DPP10: variants seen among roughly 807,000 people sequenced by gnomAD.
The protein encoded by DPP10 is dipeptidyl peptidase like 10.
DPP10 carries 33 observed loss-of-function variants against 120.9 expected under a neutral mutation model. The ratio of observed to expected loss-of-function variants is 0.27; its 90% CI spans 0.21 to 0.37. The LOEUF is 0.37. Ranked by LOEUF, DPP10 falls within the 10% of genes least tolerant of loss-of-function variation. The pLI, the probability that DPP10 is intolerant of heterozygous loss-of-function variation, is 1.00. For synonymous variants in DPP10, 337 were observed against 326.1 expected (o/e 1.03, Z -0.36); for missense variants, 816 against 942.8 (o/e 0.87, Z 1.76).
At chr2:115,831,082 A>G (rs1217981010) in intron 21 of DPP10, among the ~76,000 whole-genome samples, 2 of 152,174 alleles carry the variant, frequency 1.3e-5, no homozygotes, top group Non-Finnish European at 2.9e-5. Context: ...GTGAGTGATT[A>G]TGTTAAGCGA....
At chr2:114,751,356 C>T (rs910050716) in intron 1 of DPP10, among the ~76,000 whole-genome samples, 2 of 152,192 alleles carry the variant, frequency 1.3e-5, no homozygotes, top group Admixed American at 6.5e-5. Context: ...ACAATTTCTC[C>T]AACTACTTAT....
intron 1 of DPP10, among the ~76,000 whole-genome samples, chr2:114,814,863 G>A (rs966950269): frequency 6.6e-6 from 1 of 152,206 alleles, no homozygotes; most frequent in African/African-American, 2.4e-5. Context: ...TGCTGTTGCT[G>A]TCCAGCTGAA....
chr2:115,441,285 G>C (rs1285240577), intron 3 of DPP10, among the ~76,000 whole-genome samples: 2 of 152,156 alleles, frequency 1.3e-5, no homozygotes, highest in Non-Finnish European at 2.9e-5. Context: ...ACTGAATCCC[G>C]AGTTGGGATT....
intron 1 of DPP10, among the ~76,000 whole-genome samples, chr2:114,630,903 C>T (rs929701713): frequency 3.9e-5 from 6 of 151,988 alleles, no homozygotes; most frequent in Non-Finnish European, 1.5e-5. Context: ...ATGGGAGTCT[C>T]GATTGAACTA....
intron 1 of DPP10, among the ~76,000 whole-genome samples, chr2:114,784,432 A>G (rs1425598060): frequency 6.6e-6 from 1 of 152,138 alleles, no homozygotes; most frequent in Non-Finnish European, 1.5e-5. Context: ...CTTTCTCCCC[A>G]TTCAGTGACT....
chr2:115,479,861 T>C (rs1035227357), intron 3 of DPP10, among the ~76,000 whole-genome samples: 1 of 152,130 alleles, frequency 6.6e-6, no homozygotes, highest in Admixed American at 6.5e-5. Flanking sequence ...GTTTCTCACA[T>C]TTGTTAACTG....
intron 1 of DPP10, among the ~76,000 whole-genome samples, chr2:115,273,319 T>TGA (rs1451993772): frequency 6.6e-6 from 1 of 152,096 alleles, no homozygotes; most frequent in Non-Finnish European, 1.5e-5. Flanking sequence ...CAGAGTTTCT[T>TGA]GAGACAGCTT....
intron 1 of DPP10, among the ~76,000 whole-genome samples, chr2:114,476,474 T>C (rs1680379037): frequency 6.6e-6 from 1 of 152,196 alleles, no homozygotes. Context: ...AGATTGTACA[T>C]TGGACACCAA....
At chr2:114,987,177 C>G (rs1410484857) in intron 1 of DPP10, among the ~76,000 whole-genome samples, 3 of 152,098 alleles carry the variant, frequency 2.0e-5, no homozygotes, top group African/African-American at 7.2e-5. Flanking sequence ...ATTTTTAAGG[C>G]ATATAAATTA....
intron 9 of DPP10, among the ~76,000 whole-genome samples, chr2:115,741,260 T>C (rs13429605): frequency 1.5e-3 from 222 of 152,240 alleles, no homozygotes; most frequent in African/African-American, 5.2e-3. Context: ...ATTCCATGAT[T>C]TTAAAATGTG....
chr2:115,032,647 G>T (rs1318084695), intron 1 of DPP10, among the ~76,000 whole-genome samples: 2 of 151,906 alleles, frequency 1.3e-5, no homozygotes, highest in African/African-American at 4.8e-5. Context: ...TTGGGAGGCC[G>T]AGGTGGGTGG....
At chr2:115,003,736 A>T (rs1332304016) in intron 1 of DPP10, among the ~76,000 whole-genome samples, 1 of 152,156 alleles carries the variant, frequency 6.6e-6, no homozygotes, top group Non-Finnish European at 1.5e-5. Context: ...CTATCCATGT[A>T]GATATTGACC....
chr2:114,830,655 AT>A (rs954993652), intron 1 of DPP10, among the ~76,000 whole-genome samples: 2 of 152,014 alleles, frequency 1.3e-5, no homozygotes, highest in African/African-American at 4.8e-5. Context: ...ACAACCTCTT[AT>A]TTTTTTTAAA....
At chr2:115,710,877 A>G (rs2092293532) in intron 7 of DPP10, among the ~76,000 whole-genome samples, 1 of 152,104 alleles carries the variant, frequency 6.6e-6, no homozygotes, top group South Asian at 2.1e-4. Context: ...AAAGGTCATA[A>G]CCTTCAATAA....
chr2:114,875,362 C>A (rs964877934), intron 1 of DPP10, among the ~76,000 whole-genome samples: 13 of 152,082 alleles, frequency 8.5e-5, no homozygotes, highest in Non-Finnish European at 1.5e-4. Flanking sequence ...AAATTACAAC[C>A]TAGCATAGTG....
Position 114,898,658 on chromosome 2 carries a change from C to G in DPP10, c.61-410581C>G, listed in dbSNP as rs565488102. The stretch of plus-strand genomic sequence containing the variant: ...ACTGAAATGTCTATATTGGGTAGGA[C>G]AATTAGTAAAATCATATTTTAACAA... On this transcript the variant is annotated intron_variant, in intron 1 of 25. Coordinates refer to ENST00000410059, the MANE Select transcript of DPP10 (RefSeq NM_020868.6). Among the ~76,000 whole-genome samples the G allele has an allele frequency of 2.6e-5, 4 of 152,010 alleles. No homozygotes were observed. In the South Asian group the frequency reaches 6.2e-4, roughly 24 times the overall value.
At chr2:115,609,001 T>C (rs954162994) in intron 5 of DPP10, among the ~76,000 whole-genome samples, 7 of 147,662 alleles carry the variant, frequency 4.7e-5, no homozygotes, top group Non-Finnish European at 9.1e-5. Context: ...ACCGAGAAAA[T>C]GGGAAAGAAA....
chr2:114,695,646 C>G (rs1473636836), intron 1 of DPP10, among the ~76,000 whole-genome samples: 1 of 152,012 alleles, frequency 6.6e-6, no homozygotes, highest in Non-Finnish European at 1.5e-5. Context: ...TAAAAAGGAT[C>G]TTGAAGCAAT....
chr2:114,692,231 G>C lies in DPP10; in HGVS notation c.60+249393G>C, dbSNP rs183881102. Reference sequence around the variant, plus strand: ...TGATGTGGGCATTTAGTGCTATTAAGTTCCCTCTTAACACTGCTTTAGCTG... The same window carrying C: ...TGATGTGGGCATTTAGTGCTATTAACTTCCCTCTTAACACTGCTTTAGCTG... On this transcript the variant is annotated intron_variant, in intron 1 of 25. Coordinates refer to ENST00000410059, the MANE Select transcript of DPP10 (RefSeq NM_020868.6). Among the ~76,000 whole-genome samples the C allele has an allele frequency of 2.4e-3, 368 of 151,928 alleles. 1 individual carries two copies. The highest frequency in any genetic ancestry group is 4.1e-3 in the Non-Finnish European group (276 of 67,828).
Sources: gnomAD v4.1 joint callset for allele counts (sites outside exome capture counted in the v4.1 genomes callset) on GRCh38, gnomAD v4.1.1 for gene constraint, MANE v1.5 for transcripts, NCBI Gene and HGNC (gene_info 2026-07-23, HGNC 2026-07-21) for gene names.